The following RBFOX3 variants were observed in gnomAD, a reference collection of about 807,000 sequenced individuals.
The protein encoded by RBFOX3 is RNA binding protein fox-1 homolog 3.
A neutral mutation model predicts 48.7 loss-of-function variants in RBFOX3; 17 were observed. That is an observed-to-expected ratio of 0.35 (90% confidence interval 0.24 to 0.52). The LOEUF (loss-of-function observed/expected upper bound fraction) is 0.52, where lower values mean the gene tolerates loss of function less well. Ranked by LOEUF, RBFOX3 falls within the 20% of genes least tolerant of loss-of-function variation. The pLI, the probability that RBFOX3 is intolerant of heterozygous loss-of-function variation, is 0.94. For missense variants in RBFOX3, 382 were observed against 497.5 expected (o/e 0.77, Z 2.21); for synonymous variants, 212 against 209.5 (o/e 1.01, Z -0.10).
At chr17:79,234,821 TCC>T (rs1284963126) in intron 4 of RBFOX3, 3 of 137,144 alleles carry the variant, frequency 2.2e-5, no homozygotes, top group African/African-American at 2.8e-5. Flanking sequence ...AACCTCCGCC[TCC>T]CGGGTTCAAG....
At chr17:79,384,935 C>A (rs2060379110) in intron 2 of RBFOX3, among the ~76,000 whole-genome samples, 1 of 152,270 alleles carries the variant, frequency 6.6e-6, no homozygotes, top group African/African-American at 2.4e-5. Flanking sequence ...CTGCTGCCCA[C>A]CCAAATTCTC....
At chr17:79,280,020 A>C (rs1030707800) in intron 3 of RBFOX3, among the ~76,000 whole-genome samples, 7 of 152,084 alleles carry the variant, frequency 4.6e-5, no homozygotes, top group Non-Finnish European at 8.8e-5. Flanking sequence ...GAAAAAAATC[A>C]TGTCACCATT....
intron 4 of RBFOX3, among the ~76,000 whole-genome samples, chr17:79,141,078 C>G (rs1199689603): frequency 6.6e-6 from 1 of 152,204 alleles, no homozygotes; most frequent in Non-Finnish European, 1.5e-5. Context: ...CAGGGCCCAG[C>G]AGGGTGGCAG....
At position 79,214,972 on chromosome 17, in the gene RBFOX3, C is replaced by G; in HGVS notation, c.-34+20794G>C. ...CGCCTGGTGCCGGTCAATTATGAAG[C>G]CACCCGCTGGTGCTGCCCCCACACC... On this transcript the variant is annotated intron_variant, in intron 4 of 14. Transcript: ENST00000693108. The surrounding 1 kb of genome is among the most constrained non-coding windows in gnomAD (Gnocchi z 4.7). 6.6e-6 allele frequency among the ~76,000 whole-genome samples: 1 copy of G among 152,088 alleles called. No individual in the cohort carries two copies. Among genetic ancestry groups the G allele is most frequent in the Non-Finnish European group, 1.5e-5 (1 of 67,944 alleles).
Position 79,400,692 on chromosome 17 carries a change from G to A in RBFOX3, c.-175+81762C>T, listed in dbSNP as rs780858841. Reference sequence around the variant, plus strand: ...ACACTAGGAAGATGCGGCTGTAAGCGGGGTGTCCCAAATGCAGCAGCTCCT... The same window carrying A: ...ACACTAGGAAGATGCGGCTGTAAGCAGGGTGTCCCAAATGCAGCAGCTCCT... On this transcript the variant is annotated intron_variant, in intron 2 of 14. Coordinates refer to ENST00000693108, the MANE Select transcript of RBFOX3 (RefSeq NM_001350451.2). 4.6e-5 allele frequency among the ~76,000 whole-genome samples: 7 copies of A among 152,202 alleles called. No individual in the cohort carries two copies. In the South Asian group the frequency reaches 1.0e-3, roughly 22 times the overall value.
At chr17:79,288,535 C>T (rs2072522713) in intron 3 of RBFOX3, among the ~76,000 whole-genome samples, 1 of 152,002 alleles carries the variant, frequency 6.6e-6, no homozygotes, top group African/African-American at 2.4e-5. Context: ...GCATGAGACT[C>T]CCCCACTGCA....
intron 4 of RBFOX3, among the ~76,000 whole-genome samples, chr17:79,159,015 G>A (rs2046398175): frequency 6.6e-6 from 1 of 152,218 alleles, no homozygotes; most frequent in Non-Finnish European, 1.5e-5. Context: ...AGGCGAGGCT[G>A]CAGGCCATGT....
intron 1 of RBFOX3, among the ~76,000 whole-genome samples, chr17:79,543,433 G>A (rs1347165299): frequency 6.6e-6 from 1 of 152,102 alleles, no homozygotes; most frequent in African/African-American, 2.4e-5. Flanking sequence ...TCTGAGGGTA[G>A]AATTTCCCCT....
At chr17:79,416,357 C>G (rs1203572104) in intron 2 of RBFOX3, among the ~76,000 whole-genome samples, 1 of 152,340 alleles carries the variant, frequency 6.6e-6, no homozygotes, top group South Asian at 2.1e-4. Flanking sequence ...CTCTGCCCAC[C>G]GCCAAGCCCA....
At chr17:79,369,193 GA>G (rs1369494949) in intron 2 of RBFOX3, among the ~76,000 whole-genome samples, 2 of 152,166 alleles carry the variant, frequency 1.3e-5, no homozygotes, top group Non-Finnish European at 2.9e-5. Flanking sequence ...TCTGGGTGGG[GA>G]GGGGCTGCCC....
intron 10 of RBFOX3, 118 bp from the exon 11 acceptor site, chr17:79,097,542 C>A (rs1180084270): frequency 1.1e-5 from 16 of 1,414,958 alleles, no homozygotes; most frequent in Non-Finnish European, 1.1e-5. Context: ...CCAAGCCCCG[C>A]CCCCGGAGCG....
chr17:79,530,183 G>A (rs1425690108), intron 1 of RBFOX3, among the ~76,000 whole-genome samples: 1 of 152,134 alleles, frequency 6.6e-6, no homozygotes, highest in Non-Finnish European at 1.5e-5. Context: ...TCTCACCCTG[G>A]AGAAAACCTC....
At chr17:79,663,706 A>G in the RBFOX3 span, among the ~76,000 whole-genome samples, 8 of 151,062 alleles carry the variant, frequency 5.3e-5, no homozygotes, top group Non-Finnish European at 7.4e-5. Flanking sequence ...GCCAACAAGG[A>G]AAGTTGAGTT....
chr17:79,208,274 C>G (rs2057801901), intron 4 of RBFOX3, among the ~76,000 whole-genome samples: 1 of 152,218 alleles, frequency 6.6e-6, no homozygotes, highest in Non-Finnish European at 1.5e-5. Context: ...TCCTGCCCAG[C>G]CAGGCTGTCT....
chr17:79,447,803 G>C (rs537677182), intron 2 of RBFOX3, among the ~76,000 whole-genome samples: 7 of 152,322 alleles, frequency 4.6e-5, no homozygotes, highest in East Asian at 1.9e-4. Context: ...GCCCCAAAAT[G>C]GGTGATATGG....
chr17:79,211,142 C>T (rs17741879), intron 4 of RBFOX3, among the ~76,000 whole-genome samples: 33,741 of 152,028 alleles, frequency 0.22, 4,211 homozygotes, highest in Admixed American at 0.32. Flanking sequence ...CAGCGTCCGG[C>T]GGTCTCAGTC....
chr17:79,585,069 A>C lies in RBFOX3; in HGVS notation c.-320+25757T>G, dbSNP rs915956243. 7.8e-4 allele frequency among the ~76,000 whole-genome samples: 118 copies of C among 152,072 alleles called. 2 individuals carry two copies. The South Asian group carries it at 0.018, about 24-fold the overall frequency. ...CGTGAGCCACGGCGCCCAGCCGATA[A>C]ATTGGATTTTGGGGACTCTGGGGAA... On this transcript the variant is annotated intron_variant, in intron 1 of 14. Coordinates refer to ENST00000693108, the MANE Select transcript of RBFOX3 (RefSeq NM_001350451.2).
chr17:79,124,424 G>A (rs1369853657), intron 4 of RBFOX3, among the ~76,000 whole-genome samples: 1 of 152,240 alleles, frequency 6.6e-6, no homozygotes, highest in African/African-American at 2.4e-5. Context: ...TCAAGCAACA[G>A]TTATGGAGCC....
intron 5 of RBFOX3, among the ~76,000 whole-genome samples, chr17:79,110,885 G>C (rs374372498): frequency 2.3e-4 from 35 of 152,354 alleles, no homozygotes; most frequent in African/African-American, 8.4e-4. Context: ...TCACTGTGGC[G>C]TTGCTTTGGG....
Sources: gnomAD v4.1 joint callset for allele counts (sites outside exome capture counted in the v4.1 genomes callset) on GRCh38, gnomAD v4.1.1 for gene constraint, Gnocchi (gnomAD v3.1) non-coding constraint, MANE v1.5 for transcripts, NCBI Gene and HGNC (gene_info 2026-07-23, HGNC 2026-07-21) for gene names.